Variants in PLD1 observed in about 807,000 individuals in gnomAD.
The protein encoded by PLD1 is choline phosphatase 1.
In PLD1, 112 loss-of-function variants were observed where a neutral mutation model predicts 137.1. The ratio of observed to expected loss-of-function variants is 0.82; its 90% CI spans 0.70 to 0.96. The LOEUF is 0.96. Among genes scored for constraint, PLD1 ranks in the 40% least tolerant of loss-of-function variants. The pLI is 0.00. For synonymous variants in PLD1, 431 were observed against 454.7 expected, an observed-to-expected ratio of 0.95 and a Z score of 0.66; for missense variants, 1,321 against 1,342.0, an observed-to-expected ratio of 0.98 and a Z score of 0.24.
chr3:171,790,653 G>A (rs992562005), intron 1 of PLD1, among the ~76,000 whole-genome samples: 4 of 152,186 alleles, frequency 2.6e-5, no homozygotes, highest in African/African-American at 9.7e-5. Context: ...GGCCTGCAAA[G>A]GAAGCTGGCA....
intron 1 of PLD1, among the ~76,000 whole-genome samples, chr3:171,760,224 G>A (rs1560284137): frequency 6.6e-6 from 1 of 152,074 alleles, no homozygotes; most frequent in Non-Finnish European, 1.5e-5. Context: ...CTTTTATTGA[G>A]TTTTATCCTT....
chr3:171,766,088 C>T (rs1002649028), intron 1 of PLD1, among the ~76,000 whole-genome samples: 1 of 152,118 alleles, frequency 6.6e-6, no homozygotes, highest in Admixed American at 6.5e-5. Flanking sequence ...CATTTTACCT[C>T]AACTCTAACC....
intron 1 of PLD1, among the ~76,000 whole-genome samples, chr3:171,745,425 G>A (rs968935034): frequency 6.6e-6 from 1 of 152,168 alleles, no homozygotes; most frequent in African/African-American, 2.4e-5. Context: ...CCTGGCCTCT[G>A]CTCAGTAAAG....
chr3:171,668,427 T>G lies in PLD1; in HGVS notation c.2229+6073A>C, dbSNP rs555624119. 2.0e-5 allele frequency among the ~76,000 whole-genome samples: 3 copies of G among 152,388 alleles called. No individual in the cohort carries two copies. In the South Asian group the frequency reaches 6.2e-4, roughly 32 times the overall value. ...CAAAACATTTTGCTGTCCTTTCAGA[T>G]CTAACAGATCCTTGGGAATATCCTT... On this transcript the variant is annotated intron_variant, in intron 19 of 26. Coordinates refer to ENST00000351298, the MANE Select transcript of PLD1 (RefSeq NM_002662.5).
At chr3:171,657,253 A>C (rs1376923857) in intron 21 of PLD1, among the ~76,000 whole-genome samples, 1 of 152,240 alleles carries the variant, frequency 6.6e-6, no homozygotes, top group Non-Finnish European at 1.5e-5. Flanking sequence ...ATGTAGTTAT[A>C]AACTGTGAAT....
Position 171,686,835 on chromosome 3 carries a change from A to T in PLD1, c.1754-37T>A, listed in dbSNP as rs1468343233. 3.8e-6 allele frequency: 4 copies of T among 1,045,806 alleles called. No homozygotes were observed. In the South Asian group the frequency reaches 5.6e-5, roughly 15 times the overall value. The allele number at this position is 1,045,806 out of a possible 1,614,324, so 64.8% of individuals were successfully genotyped here. A position where few individuals can be genotyped will look rare whatever the true frequency, so the allele number is the denominator to read the frequency against. On this transcript the variant is annotated intron_variant, in intron 15 of 26. Coordinates refer to ENST00000351298, the MANE Select transcript of PLD1 (RefSeq NM_002662.5). The stretch of plus-strand genomic sequence containing the variant: ...AAGAATTTTTTTACAAAAAAATACA[A>T]ATATCAAATTTTCTAAACTGGAAAG...
intron 1 of PLD1, among the ~76,000 whole-genome samples, chr3:171,759,731 T>C (rs1264465523): frequency 6.6e-6 from 1 of 152,272 alleles, no homozygotes. Flanking sequence ...CATAATCAAA[T>C]CTATTGCTAA....
In PLD1 at chr3:171,608,066, A is replaced by G. The variant is rs536351006; in HGVS notation, c.2883-2650T>C. 3.9e-5 allele frequency among the ~76,000 whole-genome samples: 6 copies of G among 152,328 alleles called. No individual in the cohort carries two copies. The East Asian group carries it at 1.2e-3, about 29-fold the overall frequency. ...ATGTTTTTGTGGTGCTTTTAAATATATTATCTGTGTTTGCCATTGGGGCAA... is the reference window on the plus strand; with the variant it reads ...ATGTTTTTGTGGTGCTTTTAAATATGTTATCTGTGTTTGCCATTGGGGCAA... On this transcript the variant is annotated intron_variant, in intron 25 of 26. Coordinates refer to ENST00000351298, the MANE Select transcript of PLD1 (RefSeq NM_002662.5).
intron 8 of PLD1, among the ~76,000 whole-genome samples, chr3:171,718,459 G>A (rs1037667324): frequency 3.3e-5 from 5 of 152,146 alleles, no homozygotes; most frequent in African/African-American, 4.8e-5. Flanking sequence ...ACTACTACCC[G>A]ACTCATTCTA....
At chr3:171,632,521 C>T (rs569708962) in intron 23 of PLD1, among the ~76,000 whole-genome samples, 2 of 151,974 alleles carry the variant, frequency 1.3e-5, no homozygotes, top group African/African-American at 4.8e-5. Flanking sequence ...CTTGTTTTCT[C>T]AGAAACCACA....
rs577901603 is a variant in PLD1, at chr3:171,800,214, T to A, written c.-32+10185A>T. ...ACATAATTTTTACTTCTTTATTTTT[T>A]ATTTTTATTTTTTAGATGGAGTCTC... On this transcript the variant is annotated intron_variant, in intron 1 of 26. Transcript: ENST00000351298. Among the ~76,000 whole-genome samples, 16 of 152,308 alleles carry A rather than the reference T, an allele frequency of 1.1e-4. No homozygotes were observed. The South Asian group carries it at 2.7e-3, about 26-fold the overall frequency.
At chr3:171,722,755 G>C (rs6772146) in intron 8 of PLD1, among the ~76,000 whole-genome samples, 54,606 of 151,582 alleles carry the variant, frequency 0.36, 10,892 homozygotes, top group African/African-American at 0.52. Flanking sequence ...TTAGCATATT[G>C]ACAGAGTTGT....
chr3:171,705,235 T>C lies in PLD1; in HGVS notation c.1145+3520A>G, dbSNP rs532258563. On this transcript the variant is annotated intron_variant, in intron 11 of 26. Coordinates refer to ENST00000351298, the MANE Select transcript of PLD1 (RefSeq NM_002662.5). ...GAGAAAGAGGAAAGTTCAGAAAAAA[T>C]GTGTAAAGAAATAATGGCTAACAAT... is the stretch of plus-strand genomic sequence containing the variant. Among the ~76,000 whole-genome samples, 76 of 152,128 alleles carry C rather than the reference T, an allele frequency of 5.0e-4. 1 individual carries two copies. Among genetic ancestry groups the C allele is most frequent in the African/African-American group, 1.7e-3 (70 of 41,480 alleles).
At chr3:171,715,376 A>G (rs531779793) in intron 8 of PLD1, among the ~76,000 whole-genome samples, 2 of 152,294 alleles carry the variant, frequency 1.3e-5, no homozygotes, top group East Asian at 3.9e-4. Context: ...TATATTTTGA[A>G]GTCAGGTAGT....
Position 171,713,981 on chromosome 3 carries a change from C to T in PLD1, c.823G>A (p.Val275Ile), listed in dbSNP as rs370939132. 5.0e-5 allele frequency: 80 copies of T among 1,610,550 alleles called. No homozygotes were observed. In the East Asian group the frequency reaches 8.0e-4, roughly 16 times the overall value. The change falls in exon 9 of 27, where the codon GTC becomes ATC. Residue 275 changes from valine to isoleucine, a missense_variant. Transcript: ENST00000351298. ...TTGAATTCTTTGTCTACCAGCAGGACGAAGGCAATGGCACCGCTGTCTGGT... is the reference window on the plus strand; with the variant it reads ...TTGAATTCTTTGTCTACCAGCAGGATGAAGGCAATGGCACCGCTGTCTGGT... ...MKPDSGAIAFVLLVDKEFKIK... is the reference protein window; with the variant it reads ...MKPDSGAIAFILLVDKEFKIK...
chr3:171,781,327 A>G (rs563031770), intron 1 of PLD1, among the ~76,000 whole-genome samples: 1 of 152,126 alleles, frequency 6.6e-6, no homozygotes, highest in African/African-American at 2.4e-5. Context: ...ATTGAGATGG[A>G]TCATAGACAT....
chr3:171,692,570 G>A (rs1293960367), intron 12 of PLD1, 128 bp from the exon 13 acceptor site: 2 of 592,058 alleles, frequency 3.4e-6, no homozygotes, highest in Non-Finnish European at 6.0e-6. Context: ...ACCCAGCCTG[G>A]AGTGCAGTGG....
chr3:171,677,178 A>G (rs903628641), intron 17 of PLD1, among the ~76,000 whole-genome samples: 5 of 152,204 alleles, frequency 3.3e-5, no homozygotes, highest in African/African-American at 7.2e-5. Context: ...TGCCATCTCT[A>G]TCTCCTCTTA....
At chr3:171,760,132 T>G (rs552318682) in intron 1 of PLD1, among the ~76,000 whole-genome samples, 1 of 149,724 alleles carries the variant, frequency 6.7e-6, no homozygotes, top group Non-Finnish European at 1.5e-5. Context: ...ATAAATTACA[T>G]TTATTTTTTA....
Sources: allele counts gnomAD v4.1 joint callset (sites outside exome capture counted in the v4.1 genomes callset), GRCh38; gene constraint gnomAD v4.1.1; transcripts MANE v1.5; gene names NCBI Gene and HGNC (gene_info 2026-07-23, HGNC 2026-07-21).